SNX4: variants seen among roughly 807,000 people sequenced by gnomAD.
SNX4 encodes sorting nexin-4.
SNX4 carries 49 observed loss-of-function variants against 70.8 expected under a neutral mutation model. The ratio of observed to expected loss-of-function variants is 0.69; its 90% CI spans 0.55 to 0.88. The LOEUF is 0.88. Ranked by LOEUF, SNX4 falls within the 40% of genes least tolerant of loss-of-function variation. SNX4 has a pLI of 0.00. For synonymous variants in SNX4, 206 were observed against 183.8 expected (o/e 1.12, Z -0.98); for missense variants, 528 against 544.8 (o/e 0.97, Z 0.31).
intron 1 of SNX4, among the ~76,000 whole-genome samples, chr3:125,513,311 G>T (rs1205563844): frequency 1.3e-5 from 2 of 152,128 alleles, no homozygotes. Context: ...CCTTAATCTT[G>T]GACTTCCCAG....
chr3:125,485,287 T>A (rs1052989588), intron 6 of SNX4, among the ~76,000 whole-genome samples: 1 of 151,932 alleles, frequency 6.6e-6, no homozygotes, highest in Admixed American at 6.6e-5. Flanking sequence ...GTATAACTTA[T>A]CTATTTTATA....
At chr3:125,474,643 C>T (rs1934251717) in intron 8 of SNX4, among the ~76,000 whole-genome samples, 1 of 152,070 alleles carries the variant, frequency 6.6e-6, no homozygotes, top group East Asian at 1.9e-4. Context: ...TGTAAAGTGG[C>T]TTTCTAATAA....
chr3:125,485,019 G>A (rs572055484), intron 6 of SNX4, among the ~76,000 whole-genome samples: 2 of 151,728 alleles, frequency 1.3e-5, no homozygotes, highest in South Asian at 4.2e-4. Flanking sequence ...GTGAGCCAAG[G>A]TCACGCCACT....
Position 125,488,053 on chromosome 3 carries a change from T to C in SNX4, c.653+1355A>G, listed in dbSNP as rs1326100034. Among the ~76,000 whole-genome samples, 2 of 151,400 alleles carry C rather than the reference T, an allele frequency of 1.3e-5. 1 individual carries two copies. The highest frequency in any genetic ancestry group is 2.9e-5 in the Non-Finnish European group (2 of 67,934). On this transcript the variant is annotated intron_variant, in intron 6 of 13. Transcript: ENST00000251775. The stretch of plus-strand genomic sequence containing the variant: ...GTGGGATGCTGATAGTTAGGGAGGC[T>C]GTGACAGGTCAATGGGGAGGGGTGT...
intron 1 of SNX4, among the ~76,000 whole-genome samples, chr3:125,514,389 CT>C (rs57357708): frequency 0.046 from 5,900 of 127,024 alleles, 264 homozygotes; most frequent in African/African-American, 0.16. Flanking sequence ...GTGACCAACA[CT>C]TTTTTTTTTT....
intron 5 of SNX4, among the ~76,000 whole-genome samples, chr3:125,495,049 T>C (rs7638529): frequency 0.048 from 7,314 of 151,840 alleles, 417 homozygotes; most frequent in African/African-American, 0.13. Flanking sequence ...TTTGTCTGAA[T>C]ACCTATAATA....
chr3:125,466,384 A>T (rs1340762902), intron 9 of SNX4, among the ~76,000 whole-genome samples: 1 of 152,048 alleles, frequency 6.6e-6, no homozygotes, highest in Non-Finnish European at 1.5e-5. Context: ...ACCATTTGGG[A>T]CATAGGCTAT....
At position 125,507,130 on chromosome 3, in the gene SNX4, C is replaced by T. The variant is rs149675745; in HGVS notation, c.142-2386G>A. ...ACTGAGGCATGGAGAATTACTTGAA[C>T]CCAGGAGGCGGAGGTTGCAGTGAGC... is the stretch of plus-strand genomic sequence containing the variant. On this transcript the variant is annotated intron_variant, in intron 1 of 13. Coordinates refer to ENST00000251775, the MANE Select transcript of SNX4 (RefSeq NM_003794.4). Among the ~76,000 whole-genome samples, 797 of 147,710 alleles carry T rather than the reference C, an allele frequency of 5.4e-3. 9 individuals are homozygous for T. Among genetic ancestry groups the T allele is most frequent in the African/African-American group, 0.019 (757 of 40,126 alleles).
At chr3:125,460,059 T>C (rs1933836490) in intron 10 of SNX4, among the ~76,000 whole-genome samples, 1 of 151,832 alleles carries the variant, frequency 6.6e-6, no homozygotes, top group African/African-American at 2.4e-5. Context: ...CTGGGTGTGT[T>C]GGCGGGCGCC....
At chr3:125,459,964 G>A (rs1455898265) in intron 10 of SNX4, among the ~76,000 whole-genome samples, 1 of 151,794 alleles carries the variant, frequency 6.6e-6, no homozygotes, top group Admixed American at 6.6e-5. Flanking sequence ...AGGCCGAGGC[G>A]GGTGGATTAC....
intron 4 of SNX4, 75 bp downstream of exon 4, chr3:125,497,754 TTAAAA>T: frequency 3.1e-6 from 3 of 961,304 alleles, no homozygotes; most frequent in South Asian, 1.9e-5. Context: ...GAAAAGATCC[TTAAAA>T]TAAGTATTCT....
At chr3:125,468,573 C>T (rs1934091377) in intron 9 of SNX4, among the ~76,000 whole-genome samples, 1 of 151,976 alleles carries the variant, frequency 6.6e-6, no homozygotes, top group Admixed American at 6.6e-5. Context: ...AATCTGGGAA[C>T]AGCGGCTCAT....
chr3:125,498,597 C>T (rs1934862351), intron 2 of SNX4, among the ~76,000 whole-genome samples: 1 of 152,162 alleles, frequency 6.6e-6, no homozygotes, highest in Admixed American at 6.6e-5. Flanking sequence ...ATATTTAATC[C>T]TTATGACAAC....
chr3:125,505,277 G>A (rs548395813), intron 1 of SNX4, among the ~76,000 whole-genome samples: 1 of 152,272 alleles, frequency 6.6e-6, no homozygotes, highest in African/African-American at 2.4e-5. Context: ...GCCTTCCAGA[G>A]GTAGTTTAAA....
intron 8 of SNX4, among the ~76,000 whole-genome samples, chr3:125,470,908 CA>C (rs1934152975): frequency 6.6e-6 from 1 of 152,142 alleles, no homozygotes; most frequent in Non-Finnish European, 1.5e-5. Flanking sequence ...TAAGAACAGA[CA>C]CTCAGGCCCA....
rs983291987 is a variant in SNX4, at chr3:125,519,373, A to G, written c.141+659T>C. On this transcript the variant is annotated intron_variant, in intron 1 of 13. Coordinates refer to ENST00000251775, the MANE Select transcript of SNX4 (RefSeq NM_003794.4). ...TCTTCAAAAAGTACATGGGTTATCA[A>G]TAAGTCTCCAATGGGAAACACAGCA... Among the ~76,000 whole-genome samples the G allele has an allele frequency of 3.3e-5, 5 of 152,314 alleles. No homozygotes were observed. The South Asian group carries it at 8.3e-4, about 25-fold the overall frequency.
intron 6 of SNX4, among the ~76,000 whole-genome samples, chr3:125,486,091 G>T (rs946092826): frequency 1.3e-5 from 2 of 152,004 alleles, no homozygotes; most frequent in African/African-American, 2.4e-5. Context: ...CACCCACCTC[G>T]GCCTCCCAAA....
intron 7 of SNX4, among the ~76,000 whole-genome samples, chr3:125,479,946 T>C (rs1283351227): frequency 2.6e-5 from 4 of 152,072 alleles, no homozygotes; most frequent in Non-Finnish European, 4.4e-5. Flanking sequence ...AAGAATATGA[T>C]GTGTAGATCT....
At chr3:125,515,266 C>T (rs771742845) in intron 1 of SNX4, among the ~76,000 whole-genome samples, 3 of 151,810 alleles carry the variant, frequency 2.0e-5, no homozygotes, top group Non-Finnish European at 2.9e-5. Flanking sequence ...GCAGGAGAAT[C>T]GCTTGAACCC....
Sources: allele counts gnomAD v4.1 joint callset (sites outside exome capture counted in the v4.1 genomes callset), GRCh38; gene constraint gnomAD v4.1.1; transcripts MANE v1.5; gene names NCBI Gene and HGNC (gene_info 2026-07-23, HGNC 2026-07-21).